Variants in CTDP1 observed in about 807,000 individuals in gnomAD.
CTDP1 encodes the protein RNA polymerase II subunit A C-terminal domain phosphatase.
In CTDP1, 47 loss-of-function variants were observed where a neutral mutation model predicts 91.8. That is an observed-to-expected ratio of 0.51 (90% CI 0.41 to 0.65). CTDP1 has a LOEUF of 0.65. Among genes scored for constraint, CTDP1 ranks in the 30% least tolerant of loss-of-function variants. The pLI, the probability that CTDP1 is intolerant of heterozygous loss-of-function variation, is 0.00. For synonymous variants in CTDP1, 656 were observed against 598.5 expected, an observed-to-expected ratio of 1.10 and a Z score of -1.40; for missense variants, 1,272 against 1,373.7, an observed-to-expected ratio of 0.93 and a Z score of 1.17.
intron 1 of CTDP1, among the ~76,000 whole-genome samples, chr18:79,694,733 A>T (rs914064635): frequency 1.3e-5 from 2 of 152,230 alleles, no homozygotes; most frequent in African/African-American, 2.4e-5. Flanking sequence ...CTGCCAGAAG[A>T]CCACTGTTTG....
chr18:79,710,678 G>A (rs1185728490), intron 6 of CTDP1, among the ~76,000 whole-genome samples: 2 of 133,810 alleles, frequency 1.5e-5, no homozygotes, highest in Admixed American at 7.8e-5. Flanking sequence ...CCACCACCTC[G>A]CCCGGCAATT....
chr18:79,733,526 T>TA (rs1031358720), intron 11 of CTDP1, among the ~76,000 whole-genome samples: 3 of 151,952 alleles, frequency 2.0e-5, no homozygotes, highest in Non-Finnish European at 2.9e-5. Context: ...GCAGCTGCGT[T>TA]ACCTCGTTCC....
chr18:79,720,733 C>T (rs1315816280), intron 10 of CTDP1, among the ~76,000 whole-genome samples: 2 of 152,154 alleles, frequency 1.3e-5, no homozygotes, highest in African/African-American at 4.8e-5. Flanking sequence ...TCTAGCTCTT[C>T]GAGGCCAGCA....
chr18:79,710,973 A>G (rs2086071713), intron 6 of CTDP1, among the ~76,000 whole-genome samples: 2 of 152,098 alleles, frequency 1.3e-5, no homozygotes, highest in South Asian at 4.1e-4. Context: ...CAGGTGCCTG[A>G]GCCCTGGTGC....
At chr18:79,693,748 C>T (rs554291726) in intron 1 of CTDP1, among the ~76,000 whole-genome samples, 25 of 152,158 alleles carry the variant, frequency 1.6e-4, no homozygotes, top group Non-Finnish European at 2.6e-4. Flanking sequence ...GATCCGCACA[C>T]GCCCATCCTC....
At chr18:79,722,363 G>A (rs1009989282) in intron 10 of CTDP1, among the ~76,000 whole-genome samples, 18 of 152,326 alleles carry the variant, frequency 1.2e-4, no homozygotes, top group Non-Finnish European at 1.8e-4. Context: ...TGTGCCTTCC[G>A]TGAGGAAGAT....
chr18:79,717,747 C>T (rs1333411310), intron 9 of CTDP1, 63 bp from the exon 10 acceptor site: 16 of 1,613,678 alleles, frequency 9.9e-6, no homozygotes, highest in Non-Finnish European at 1.4e-5. Context: ...GTTCATGCAC[C>T]TGGGCAGTGC....
At position 79,717,855 on chromosome 18, in the gene CTDP1, C is replaced by CA; in HGVS notation, c.2257dup (p.Thr753AsnfsTer66). 1 of 1,613,694 alleles carries CA rather than the reference C, an allele frequency of 6.2e-7. No individual in the cohort carries two copies. Among genetic ancestry groups the CA allele is most frequent in the East Asian group, 2.2e-5 (1 of 44,874 alleles). On this transcript the variant is annotated frameshift_variant, in exon 10 of 13. Transcript: ENST00000613122. LOFTEE classifies it high-confidence loss of function. ...TTCCCGACCGGGAGGGTGTGCCCCCCACCGCCTTGTTCCACCCGATGCCGG... is the reference window on the plus strand; with the variant it reads ...TTCCCGACCGGGAGGGTGTGCCCCCCAACCGCCTTGTTCCACCCGATGCCGG...
chr18:79,695,034 C>G (rs949361566), intron 1 of CTDP1, among the ~76,000 whole-genome samples, 191 bp from the exon 2 acceptor site: 10 of 152,136 alleles, frequency 6.6e-5, no homozygotes, highest in African/African-American at 2.4e-4. Context: ...TGAGAGACAC[C>G]TGTAGGTGGA....
At chr18:79,747,279 C>A (rs2086900685) in intron 12 of CTDP1, among the ~76,000 whole-genome samples, 1 of 152,220 alleles carries the variant, frequency 6.6e-6, no homozygotes. Flanking sequence ...GCCCCTGCCC[C>A]TCTTCCACCT....
chr18:79,680,192 G>C lies in CTDP1; in HGVS notation c.245G>C (p.Arg82Thr), dbSNP rs1331561490. The C allele has an allele frequency of 2.9e-6, 4 of 1,379,928 alleles. No individual in the cohort carries two copies. The East Asian group carries it at 1.2e-4, about 43-fold the overall frequency. The allele number at this position is 1,379,928 out of a possible 1,614,324, so 85.5% of individuals were successfully genotyped here. Residue 82 changes from arginine to threonine, a missense_variant, in exon 1 of 13, where the codon AGG becomes ACG. By Grantham distance (71) the Arg-to-Thr change is moderately conservative (BLOSUM62 -1). Coordinates refer to ENST00000613122, the MANE Select transcript of CTDP1 (RefSeq NM_004715.5). ...GTGCGCCCCGCGCGGCCGGAACGCA[G>C]GCTGAGGTCGGAGCGCGCGGGCGTG... ...GCVRPARPERRLRSERAGVVR... is the reference protein window; with the variant it reads ...GCVRPARPERTLRSERAGVVR...
intron 1 of CTDP1, among the ~76,000 whole-genome samples, chr18:79,692,631 C>T (rs2085648821): frequency 6.6e-6 from 1 of 152,158 alleles, no homozygotes; most frequent in African/African-American, 2.4e-5. Flanking sequence ...GGGGGTAGAG[C>T]AAGGAGGAGC....
rs1036377435 is a variant in CTDP1, at chr18:79,754,086, C to T, written c.*296C>T. 2.4e-5 allele frequency: 11 copies of T among 449,642 alleles called. No homozygotes were observed. The highest frequency in any genetic ancestry group is 4.0e-5 in the African/African-American group (2 of 50,206). The allele number at this position is 449,642 out of a possible 1,614,324, so 27.9% of individuals were successfully genotyped here. On this transcript the variant is annotated 3_prime_UTR_variant, in exon 13 of 13. Transcript: ENST00000613122. ...GTGCGCCCGCTGTCTCGGTAAGGGG[C>T]GGGTTGGTGTGTTTTCCCCTTGTGT...
At chr18:79,682,359 C>T (rs2085391757) in intron 1 of CTDP1, among the ~76,000 whole-genome samples, 1 of 152,180 alleles carries the variant, frequency 6.6e-6, no homozygotes, top group Non-Finnish European at 1.5e-5. Context: ...TGGCAGCACC[C>T]CTGTGATGGG....
intron 9 of CTDP1, 21 bp downstream of exon 9, chr18:79,717,697 G>A: frequency 1.2e-6 from 2 of 1,613,980 alleles, no homozygotes; most frequent in African/African-American, 1.3e-5. Flanking sequence ...GCTGCACCCA[G>A]CAGGTCCGTG....
chr18:79,719,289 G>A (rs1367872069), intron 10 of CTDP1, among the ~76,000 whole-genome samples: 1 of 152,208 alleles, frequency 6.6e-6, no homozygotes, highest in African/African-American at 2.4e-5. Context: ...GTTGCTAAGA[G>A]GAGGAGTCGG....
intron 12 of CTDP1, among the ~76,000 whole-genome samples, chr18:79,751,967 C>T (rs1467427005): frequency 3.3e-5 from 5 of 152,230 alleles, no homozygotes; most frequent in Non-Finnish European, 7.3e-5. Flanking sequence ...AGGGTAAAAT[C>T]AAAACAGGCT....
chr18:79,701,577 G>A (rs1282976930), intron 4 of CTDP1, among the ~76,000 whole-genome samples: 1 of 150,820 alleles, frequency 6.6e-6, no homozygotes, highest in Non-Finnish European at 1.5e-5. Flanking sequence ...AAATAAAAGA[G>A]CTACATCTCC....
chr18:79,743,702 C>T (rs1281180288), intron 12 of CTDP1, among the ~76,000 whole-genome samples: 1 of 152,184 alleles, frequency 6.6e-6, no homozygotes, highest in Non-Finnish European at 1.5e-5. Context: ...GCAGCCATGT[C>T]TCCGTATCGA....
Sources: allele counts gnomAD v4.1 joint callset (sites outside exome capture counted in the v4.1 genomes callset), GRCh38; gene constraint gnomAD v4.1.1; transcripts MANE v1.5; gene names NCBI Gene and HGNC (gene_info 2026-07-23, HGNC 2026-07-21).